DPP6: variants seen among roughly 807,000 people sequenced by gnomAD.
DPP6 encodes the protein dipeptidyl peptidase like 6.
Under a neutral mutation model 122.6 loss-of-function variants are expected in DPP6, and 69 were observed. The ratio of observed to expected loss-of-function variants is 0.56; its 90% confidence interval spans 0.46 to 0.69. DPP6 has a LOEUF of 0.69. Ranked by LOEUF, DPP6 falls within the 30% of genes least tolerant of loss-of-function variation. DPP6 has a pLI of 0.00. For synonymous variants in DPP6, 418 were observed against 433.1 expected (o/e 0.97, Z 0.43); for missense variants, 928 against 1,116.9 (o/e 0.83, Z 2.41).
At chr7:154,541,181 G>A (rs192879275) in intron 4 of DPP6, among the ~76,000 whole-genome samples, 1 of 152,192 alleles carries the variant, frequency 6.6e-6, no homozygotes, top group African/African-American at 2.4e-5. Flanking sequence ...CCAGGCTGGA[G>A]CGAAGTGGTG....
intron 1 of DPP6, among the ~76,000 whole-genome samples, chr7:153,918,994 A>AAG (rs1554407329): frequency 4.0e-5 from 6 of 151,444 alleles, no homozygotes; most frequent in African/African-American, 4.9e-5. Context: ...AAAAAAAAAA[A>AAG]AAAGAAAATT....
intron 1 of DPP6, among the ~76,000 whole-genome samples, chr7:154,144,624 G>A (rs1226145427): frequency 6.7e-6 from 1 of 149,690 alleles, no homozygotes; most frequent in Non-Finnish European, 1.5e-5. Context: ...GCAAAGTTGA[G>A]CATCATACCT....
intron 1 of DPP6, among the ~76,000 whole-genome samples, chr7:154,418,686 C>A (rs1817224492): frequency 6.6e-6 from 1 of 152,210 alleles, no homozygotes; most frequent in African/African-American, 2.4e-5. Context: ...TATATTACTT[C>A]TGCCCTCCTT....
chr7:153,944,329 A>C (rs548561086), intron 1 of DPP6, among the ~76,000 whole-genome samples: 2 of 152,154 alleles, frequency 1.3e-5, no homozygotes, highest in South Asian at 4.2e-4. Flanking sequence ...ACATATACTC[A>C]CCCGAGGCGT....
chr7:154,604,655 A>G (rs1428945189), intron 5 of DPP6, among the ~76,000 whole-genome samples: 1 of 121,196 alleles, frequency 8.3e-6, no homozygotes, highest in Non-Finnish European at 1.9e-5. Flanking sequence ...ATTTTAAAAT[A>G]GGGTAAATTA....
intron 1 of DPP6, among the ~76,000 whole-genome samples, chr7:154,133,516 C>G (rs1178800662): frequency 6.6e-6 from 1 of 152,090 alleles, no homozygotes; most frequent in South Asian, 2.1e-4. Flanking sequence ...AAAGTGGACA[C>G]AGGATGACAT....
intron 10 of DPP6, among the ~76,000 whole-genome samples, chr7:154,789,603 A>G (rs1797547712): frequency 6.6e-6 from 1 of 152,226 alleles, no homozygotes; most frequent in Admixed American, 6.5e-5. Flanking sequence ...CAAAGTTAGT[A>G]AAGGTCTCCC....
intron 1 of DPP6, among the ~76,000 whole-genome samples, chr7:153,987,898 A>G (rs1796929489): frequency 1.3e-5 from 2 of 152,200 alleles, no homozygotes; most frequent in Non-Finnish European, 2.9e-5. Flanking sequence ...AGCAGCATAA[A>G]TACGTGGGGT....
intron 8 of DPP6, among the ~76,000 whole-genome samples, chr7:154,747,721 A>G (rs1587008594): frequency 6.6e-6 from 1 of 152,136 alleles, no homozygotes; most frequent in Admixed American, 6.5e-5. Context: ...ACTTCTTGCT[A>G]TGACCACCCA....
At chr7:154,455,172 T>C (rs1359558250) in intron 2 of DPP6, among the ~76,000 whole-genome samples, 3 of 152,182 alleles carry the variant, frequency 2.0e-5, no homozygotes, top group Admixed American at 6.5e-5. Flanking sequence ...AGCTTGTGCA[T>C]CTCACTTCCT....
intron 3 of DPP6, among the ~76,000 whole-genome samples, chr7:154,492,504 C>T (rs1475724227): frequency 6.6e-6 from 1 of 152,212 alleles, no homozygotes; most frequent in East Asian, 1.9e-4. Flanking sequence ...CCTCTGCTGG[C>T]TTCTGGAGCT....
chr7:154,889,705 A>G, intron 25 of DPP6, 175 bp downstream of exon 25: 2 of 942,718 alleles, frequency 2.1e-6, no homozygotes, highest in Non-Finnish European at 3.1e-6. Context: ...ACGTTTTCTT[A>G]TAATTAATGA....
At chr7:154,533,821 G>A (rs980152091) in intron 3 of DPP6, among the ~76,000 whole-genome samples, 1 of 151,900 alleles carries the variant, frequency 6.6e-6, no homozygotes. Context: ...AACAAACTGA[G>A]ACTTAATCTC....
chr7:153,945,110 C>T (rs947393575), intron 1 of DPP6, among the ~76,000 whole-genome samples: 4 of 152,114 alleles, frequency 2.6e-5, no homozygotes, highest in Admixed American at 2.0e-4. Flanking sequence ...CCCACCCTTG[C>T]GTACACTCAT....
intron 3 of DPP6, among the ~76,000 whole-genome samples, chr7:154,523,995 G>A (rs568246805): frequency 2.6e-5 from 4 of 152,150 alleles, no homozygotes; most frequent in Middle Eastern, 3.4e-3. Flanking sequence ...GCTACAAAGC[G>A]GTGATGTTCT....
intron 1 of DPP6, among the ~76,000 whole-genome samples, chr7:154,367,326 G>A (rs75269230): frequency 0.027 from 4,042 of 152,298 alleles, 154 homozygotes; most frequent in African/African-American, 0.09. Flanking sequence ...GGCAACAGGC[G>A]CTAGGCCATG....
intron 1 of DPP6, among the ~76,000 whole-genome samples, chr7:153,965,566 A>ATG (rs1795658705): frequency 6.6e-6 from 1 of 151,966 alleles, no homozygotes; most frequent in South Asian, 2.1e-4. Flanking sequence ...AGGTTGGAGC[A>ATG]CAGTGGCGCG....
At chr7:154,429,274 C>A (rs560324506) in intron 1 of DPP6, among the ~76,000 whole-genome samples, 1 of 152,036 alleles carries the variant, frequency 6.6e-6, no homozygotes, top group Non-Finnish European at 1.5e-5. Flanking sequence ...AATCCACGTG[C>A]GAGCACAGCA....
intron 20 of DPP6, 108 bp downstream of exon 20, chr7:154,876,208 T>A (rs1804840551): frequency 2.9e-6 from 4 of 1,378,434 alleles, no homozygotes; most frequent in Non-Finnish European, 3.7e-6. Context: ...GCACACATTT[T>A]TCATGCAATT....
Sources: gnomAD v4.1 joint callset for allele counts (sites outside exome capture counted in the v4.1 genomes callset) on GRCh38, gnomAD v4.1.1 for gene constraint, MANE v1.5 for transcripts, NCBI Gene and HGNC (gene_info 2026-07-23, HGNC 2026-07-21) for gene names.